ZNF385D: variants seen among roughly 807,000 people sequenced by gnomAD.
The protein encoded by ZNF385D is zinc finger protein 659.
In ZNF385D, 15 loss-of-function variants were observed where a neutral mutation model predicts 35.8. The observed-to-expected ratio is 0.42, with a 90% confidence interval of 0.28 to 0.64. The LOEUF (loss-of-function observed/expected upper bound fraction) is 0.64. ZNF385D is among the 30% of genes least tolerant of loss of function. ZNF385D has a pLI of 0.23. For synonymous variants in ZNF385D, 212 were observed against 186.8 expected (o/e 1.13, Z -1.10); for missense variants, 474 against 494.6 (o/e 0.96, Z 0.39).
At chr3:22,058,736 C>G (rs1049837960) in intron 3 of ZNF385D, among the ~76,000 whole-genome samples, 1 of 151,822 alleles carries the variant, frequency 6.6e-6, no homozygotes, top group Non-Finnish European at 1.5e-5. Context: ...AAATCTATAC[C>G]ATTTCAAATT....
In ZNF385D at chr3:21,416,834, T is replaced by C. The variant is rs1401824804; in HGVS notation, c.*4380A>G. On this transcript the variant is annotated 3_prime_UTR_variant, in exon 8 of 8. Coordinates refer to ENST00000281523, the MANE Select transcript of ZNF385D (RefSeq NM_024697.3). ...TGGCTTAGTCGGGACCCCTTCCTAT[T>C]GAAGAGAGAAAGTGCAACAAAAGAA... 1 of 152,092 alleles carries C rather than the reference T, an allele frequency of 6.6e-6. No homozygotes were observed. Among genetic ancestry groups the C allele is most frequent in the Non-Finnish European group, 1.5e-5 (1 of 68,004 alleles). 9.4% of individuals were successfully genotyped at this position (152,092 alleles called of 1,614,324 possible).
intron 3 of ZNF385D, among the ~76,000 whole-genome samples, chr3:21,989,573 T>A (rs1292554873): frequency 1.3e-5 from 2 of 152,214 alleles, no homozygotes; most frequent in Admixed American, 6.5e-5. Context: ...GAAATAGGCT[T>A]TAAATGTCTT....
At chr3:21,749,158 T>A (rs2069930600) in intron 1 of ZNF385D, among the ~76,000 whole-genome samples, 2 of 152,224 alleles carry the variant, frequency 1.3e-5, no homozygotes, top group Admixed American at 6.5e-5. Context: ...AAGTAGGACA[T>A]CACATTTCAA....
chr3:21,629,796 G>A (rs1483395278), intron 2 of ZNF385D, among the ~76,000 whole-genome samples: 1 of 152,076 alleles, frequency 6.6e-6, no homozygotes, highest in Non-Finnish European at 1.5e-5. Context: ...ATCTAGTCAT[G>A]GATTAAGCAG....
At chr3:21,630,277 C>T (rs1311220369) in intron 2 of ZNF385D, among the ~76,000 whole-genome samples, 1 of 150,266 alleles carries the variant, frequency 6.7e-6, no homozygotes, top group Non-Finnish European at 1.5e-5. Context: ...TTCTTGGCAG[C>T]TCACCACATC....
chr3:22,273,592 G>A (rs189591606), intron 2 of ZNF385D, among the ~76,000 whole-genome samples: 135 of 151,952 alleles, frequency 8.9e-4, no homozygotes, highest in African/African-American at 3.0e-3. Context: ...CTAGAGGAAT[G>A]ATAAAAAACA....
At chr3:21,628,891 TGTG>T (rs2065205509) in intron 2 of ZNF385D, among the ~76,000 whole-genome samples, 1 of 152,138 alleles carries the variant, frequency 6.6e-6, no homozygotes, top group Non-Finnish European at 1.5e-5. Flanking sequence ...CTTCCTTAAA[TGTG>T]ACCTAAAATA....
At chr3:21,912,087 T>G (rs578023707) in intron 3 of ZNF385D, among the ~76,000 whole-genome samples, 53 of 152,072 alleles carry the variant, frequency 3.5e-4, no homozygotes, top group Non-Finnish European at 2.9e-5. Flanking sequence ...TCTAAACAGC[T>G]TGCTTACTTA....
chr3:22,089,963 C>T (rs1375712309), intron 3 of ZNF385D, among the ~76,000 whole-genome samples: 1 of 152,018 alleles, frequency 6.6e-6, no homozygotes, highest in Admixed American at 6.6e-5. Flanking sequence ...CTCAGCCTCT[C>T]GAGTAGCTGG....
At chr3:22,156,995 C>G (rs1379505917) in intron 3 of ZNF385D, among the ~76,000 whole-genome samples, 1 of 152,142 alleles carries the variant, frequency 6.6e-6, no homozygotes, top group Non-Finnish European at 1.5e-5. Context: ...AAAAACTCTT[C>G]AGCACAAGGT....
At chr3:21,512,551 T>C (rs568522760) in intron 3 of ZNF385D, among the ~76,000 whole-genome samples, 1 of 152,338 alleles carries the variant, frequency 6.6e-6, no homozygotes, top group South Asian at 2.1e-4. Flanking sequence ...AAGGACTAGG[T>C]ACCCTTATTG....
chr3:22,338,675 G>T (rs554966680), intron 2 of ZNF385D, among the ~76,000 whole-genome samples: 1 of 149,934 alleles, frequency 6.7e-6, no homozygotes, highest in African/African-American at 2.5e-5. Context: ...TAAAGTTAAT[G>T]TGCAGCAAAA....
At chr3:22,307,270 A>C (rs1392584929) in intron 2 of ZNF385D, among the ~76,000 whole-genome samples, 1 of 152,144 alleles carries the variant, frequency 6.6e-6, no homozygotes, top group Non-Finnish European at 1.5e-5. Flanking sequence ...GCTAGGAATG[A>C]AGATAAGTCT....
chr3:21,780,630 G>A (rs2071453721), intron 3 of ZNF385D, among the ~76,000 whole-genome samples: 1 of 152,020 alleles, frequency 6.6e-6, no homozygotes, highest in African/African-American at 2.4e-5. Context: ...ACATATGGAA[G>A]TGCTACTAAA....
At chr3:21,441,000 T>G (rs1017584125) in intron 4 of ZNF385D, among the ~76,000 whole-genome samples, 2 of 152,084 alleles carry the variant, frequency 1.3e-5, no homozygotes, top group Non-Finnish European at 2.9e-5. Context: ...CACTCAAACT[T>G]TATTACATCA....
intron 3 of ZNF385D, among the ~76,000 whole-genome samples, chr3:21,997,856 G>GGC (rs59960063): frequency 2.9e-4 from 42 of 143,056 alleles, no homozygotes; most frequent in East Asian, 2.3e-3. Flanking sequence ...GTTGCTATTT[G>GGC]GCGCGCGCGC....
chr3:22,154,485 G>A (rs906386007), intron 3 of ZNF385D, among the ~76,000 whole-genome samples: 1 of 152,148 alleles, frequency 6.6e-6, no homozygotes, highest in African/African-American at 2.4e-5. Context: ...TCTGCCAGAA[G>A]GCAACTGAGG....
At chr3:21,981,010 T>C (rs1204177845) in intron 3 of ZNF385D, among the ~76,000 whole-genome samples, 1 of 152,172 alleles carries the variant, frequency 6.6e-6, no homozygotes, top group Admixed American at 6.6e-5. Flanking sequence ...CTATTGTGAA[T>C]AGTGCTGTAC....
At chr3:22,071,831 A>G (rs1576265895) in intron 3 of ZNF385D, among the ~76,000 whole-genome samples, 1 of 152,054 alleles carries the variant, frequency 6.6e-6, no homozygotes, top group Admixed American at 6.6e-5. Context: ...ACAAGCAATC[A>G]TACTCTTTTT....
Sources: allele counts gnomAD v4.1 joint callset (sites outside exome capture counted in the v4.1 genomes callset), GRCh38; gene constraint gnomAD v4.1.1; transcripts MANE v1.5; gene names NCBI Gene and HGNC (gene_info 2026-07-23, HGNC 2026-07-21).